WSCD1: variants seen among roughly 807,000 people sequenced by gnomAD.
WSCD1 encodes sialate:O-sulfotransferase 1.
Under a neutral mutation model 60.4 loss-of-function variants are expected in WSCD1, and 41 were observed. The observed-to-expected ratio is 0.68, with a 90% CI of 0.53 to 0.88. The LOEUF (loss-of-function observed/expected upper bound fraction) is 0.88. WSCD1 is among the 40% of genes least tolerant of loss of function. WSCD1 has a pLI of 0.00. For synonymous variants in WSCD1, 361 were observed against 332.5 expected, an observed-to-expected ratio of 1.09 and a Z score of -0.93; for missense variants, 784 against 796.2, an observed-to-expected ratio of 0.98 and a Z score of 0.18.
Position 6,090,484 on chromosome 17 carries a change from C to T in WSCD1, c.706C>T (p.Leu236=). ...DRLSVYRVDE[L]QPGSRKRRTA... ...GCTCTCCGTGTACCGTGTGGACGAG[C>T]TGCAGCCGGGCTCCAGGAAGCGTGA... Residue 236 remains leucine (L), a synonymous_variant, in exon 4 of 9, where the codon CTG becomes TTG. Transcript: ENST00000317744. The T allele has an allele frequency of 2.5e-6, 4 of 1,612,796 alleles. No individual in the cohort carries two copies. Among genetic ancestry groups the T allele is most frequent in the Non-Finnish European group, 3.4e-6 (4 of 1,179,464 alleles).
At position 6,118,931 on chromosome 17, in the gene WSCD1, G is replaced by A. The variant is rs926574532; in HGVS notation, c.1375+743G>A. Reference sequence around the variant, plus strand: ...AAGCAGCAGACATTTATTTCTCATAGTCTTAGAGGCTGGGAAGTCCAAGAT... The same window carrying A: ...AAGCAGCAGACATTTATTTCTCATAATCTTAGAGGCTGGGAAGTCCAAGAT... On this transcript the variant is annotated intron_variant, in intron 8 of 8. Coordinates refer to ENST00000317744, the MANE Select transcript of WSCD1 (RefSeq NM_015253.2). The surrounding 1 kb of genome is among the most constrained non-coding windows in gnomAD (Gnocchi z 5.8). 2.6e-5 allele frequency among the ~76,000 whole-genome samples: 4 copies of A among 152,186 alleles called. No individual in the cohort carries two copies. Among genetic ancestry groups the A allele is most frequent in the Non-Finnish European group, 4.4e-5 (3 of 68,026 alleles).
At chr17:6,095,405 C>T (rs1047826505) in intron 5 of WSCD1, among the ~76,000 whole-genome samples, 182 bp downstream of exon 5, 1 of 152,164 alleles carries the variant, frequency 6.6e-6, no homozygotes, top group East Asian at 1.9e-4. Context: ...GGGAGCCCTT[C>T]GCCTCTGTCC....
intron 5 of WSCD1, among the ~76,000 whole-genome samples, chr17:6,099,797 G>A (rs760599353): frequency 2.0e-5 from 3 of 152,152 alleles, no homozygotes; most frequent in Admixed American, 1.3e-4. Context: ...CCACTTTTCC[G>A]CTGCACACGG....
At position 6,095,095 on chromosome 17, in the gene WSCD1, C is replaced by A; in HGVS notation, c.728-7C>A. On this transcript the variant is annotated splice_polypyrimidine_tract_variant and splice_region_variant and intron_variant, in intron 4 of 8. Coordinates refer to ENST00000317744, the MANE Select transcript of WSCD1 (RefSeq NM_015253.2). Reference sequence around the variant, plus strand: ...CTCTTACCAGAAACCCCTCTCTTTTCCCCCAGGGCGGACCGCCACCTACCG... The same window carrying A: ...CTCTTACCAGAAACCCCTCTCTTTTACCCCAGGGCGGACCGCCACCTACCG... 6.2e-7 allele frequency: 1 copy of A among 1,604,908 alleles called. No individual in the cohort carries two copies. Among genetic ancestry groups the A allele is most frequent in the Non-Finnish European group, 8.5e-7 (1 of 1,176,348 alleles).
At chr17:6,119,476 G>A (rs7217996) in intron 8 of WSCD1, among the ~76,000 whole-genome samples, 28,543 of 152,228 alleles carry the variant, frequency 0.19, 3,391 homozygotes, top group Non-Finnish European at 0.27. Context: ...GTCCAGGCAG[G>A]GTGGGGTGAG....
chr17:6,120,968 A>C lies in WSCD1; in HGVS notation c.*307A>C, dbSNP rs3087809. On this transcript the variant is annotated 3_prime_UTR_variant, in exon 9 of 9. Coordinates refer to ENST00000317744, the MANE Select transcript of WSCD1 (RefSeq NM_015253.2). ...CGTGGGGTGTGCCAGGCACCCCCAG[A>C]TACAAATGCAGCCACGCACAGACGT... 0.16 allele frequency: 66,812 copies of C among 411,794 alleles called. 6,569 individuals carry two copies. The highest frequency in any genetic ancestry group is 0.29 in the South Asian group (8,965 of 30,730). 25.5% of individuals were successfully genotyped at this position (411,794 alleles called of 1,614,324 possible). A position where few individuals can be genotyped will look rare whatever the true frequency, so the allele number is the denominator to read the frequency against.
At chr17:6,085,080 A>G (rs1158691252) in intron 2 of WSCD1, 1 of 152,220 alleles carries the variant, frequency 6.6e-6, no homozygotes, top group Middle Eastern at 3.4e-3. Context: ...TCTCTCTTTT[A>G]TTAACGTGTT....
At chr17:6,094,011 A>T (rs994952928) in intron 4 of WSCD1, among the ~76,000 whole-genome samples, 1 of 152,232 alleles carries the variant, frequency 6.6e-6, no homozygotes, top group African/African-American at 2.4e-5. Context: ...TCTGGCTGGT[A>T]AAAGGGTTTC....
intron 4 of WSCD1, among the ~76,000 whole-genome samples, chr17:6,093,227 C>T (rs1312298493): frequency 6.6e-6 from 1 of 152,246 alleles, no homozygotes; most frequent in East Asian, 1.9e-4. Context: ...CGGAGGCAGC[C>T]AACACTTCCT....
At chr17:6,108,692 C>T (rs1911239346) in intron 5 of WSCD1, among the ~76,000 whole-genome samples, 1 of 152,222 alleles carries the variant, frequency 6.6e-6, no homozygotes, top group Non-Finnish European at 1.5e-5. Context: ...TGATGAAATT[C>T]AAAGAAGTTA....
chr17:6,110,958 G>A lies in WSCD1; in HGVS notation c.1174+23G>A, dbSNP rs1475804027. The A allele has an allele frequency of 5.7e-6, 9 of 1,572,304 alleles. No individual in the cohort carries two copies. The highest frequency in any genetic ancestry group is 4.5e-5 in the East Asian group (2 of 44,044). ...AAGGTAAGTCAAAGCTACAGGGGAC[G>A]ATGGAAGGCAGCTCCCGGTGACCAA... On this transcript the variant is annotated intron_variant, in intron 7 of 8. Transcript: ENST00000317744. The surrounding 1 kb of genome is among the most constrained non-coding windows in gnomAD (Gnocchi z 4.8).
At chr17:6,083,554 G>A (rs1469892153) in intron 2 of WSCD1, among the ~76,000 whole-genome samples, 1 of 152,134 alleles carries the variant, frequency 6.6e-6, no homozygotes, top group African/African-American at 2.4e-5. Context: ...CGAGGCAGGC[G>A]GATCACCTGA....
chr17:6,105,733 G>C (rs909775645), intron 5 of WSCD1, among the ~76,000 whole-genome samples: 1 of 152,182 alleles, frequency 6.6e-6, no homozygotes, highest in African/African-American at 2.4e-5. Context: ...ATAAGATTGT[G>C]GGGCATCAAC....
At chr17:6,109,568 T>G in intron 5 of WSCD1, 39 bp from the exon 6 acceptor site, 1 of 1,600,982 alleles carries the variant, frequency 6.2e-7, no homozygotes, top group Non-Finnish European at 8.5e-7. Context: ...GACCCTCAAA[T>G]TCACTCAGTG....
At chr17:6,108,977 T>C (rs564472113) in intron 5 of WSCD1, among the ~76,000 whole-genome samples, 4 of 152,242 alleles carry the variant, frequency 2.6e-5, no homozygotes, top group Non-Finnish European at 5.9e-5. Flanking sequence ...TTTGGAAAGA[T>C]GACTGTATGA....
intron 4 of WSCD1, among the ~76,000 whole-genome samples, chr17:6,094,259 C>A (rs536171645): frequency 6.6e-6 from 1 of 152,186 alleles, no homozygotes; most frequent in Non-Finnish European, 1.5e-5. Flanking sequence ...CAGCAGGAGG[C>A]TTGGCAGGAG....
chr17:6,117,739 T>C lies in WSCD1; in HGVS notation c.1175-249T>C, dbSNP rs549345639. Among the ~76,000 whole-genome samples, 57 of 152,318 alleles carry C rather than the reference T, an allele frequency of 3.7e-4. No individual in the cohort carries two copies. In the South Asian group the frequency reaches 3.9e-3, roughly 11 times the overall value. On this transcript the variant is annotated intron_variant, in intron 7 of 8. Coordinates refer to ENST00000317744, the MANE Select transcript of WSCD1 (RefSeq NM_015253.2). The stretch of plus-strand genomic sequence containing the variant: ...CTGGAGGTCTTCAGGGAATACCTCA[T>C]CTCATTTCTCTTGCAGATGCCATCT...
At chr17:6,100,397 A>G (rs1268831540) in intron 5 of WSCD1, among the ~76,000 whole-genome samples, 1 of 152,252 alleles carries the variant, frequency 6.6e-6, no homozygotes, top group Admixed American at 6.5e-5. Context: ...GGGCAAGAAC[A>G]GTGCCCTGGA....
Position 6,101,419 on chromosome 17 carries a change from G to T in WSCD1, c.849+6196G>T, listed in dbSNP as rs1213506124. Among the ~76,000 whole-genome samples, 1 of 152,150 alleles carries T rather than the reference G, an allele frequency of 6.6e-6. No homozygotes were observed. The highest frequency in any genetic ancestry group is 1.5e-5 in the Non-Finnish European group (1 of 68,024). On this transcript the variant is annotated intron_variant, in intron 5 of 8. Coordinates refer to ENST00000317744, the MANE Select transcript of WSCD1 (RefSeq NM_015253.2). The surrounding 1 kb of genome is among the most constrained non-coding windows in gnomAD (Gnocchi z 4.1). ...CAGTGGGGCTGGGAGCAGCAGATGT[G>T]AGAGGTGGGGCTTGGAAACAGGAAA...
Sources: allele counts gnomAD v4.1 joint callset (sites outside exome capture counted in the v4.1 genomes callset), GRCh38; gene constraint gnomAD v4.1.1; non-coding constraint Gnocchi (gnomAD v3.1); transcripts MANE v1.5; gene names NCBI Gene and HGNC (gene_info 2026-07-23, HGNC 2026-07-21).